The following UNC5D variants were observed in gnomAD, a reference collection of about 807,000 sequenced individuals.
UNC5D encodes the protein unc-5 netrin receptor D.
A neutral mutation model predicts 105.4 loss-of-function variants in UNC5D; 39 were observed. The ratio of observed to expected loss-of-function variants is 0.37; its 90% CI spans 0.29 to 0.48. The LOEUF (loss-of-function observed/expected upper bound fraction) is 0.48, where lower values mean the gene tolerates loss of function less well. Among genes scored for constraint, UNC5D ranks in the 20% least tolerant of loss-of-function variants. The pLI is 0.98. For synonymous variants in UNC5D, 452 were observed against 450.4 expected, an observed-to-expected ratio of 1.00 and a Z score of -0.04; for missense variants, 991 against 1,202.4, an observed-to-expected ratio of 0.82 and a Z score of 2.60.
At chr8:35,527,007 G>A (rs1409751621) in intron 1 of UNC5D, among the ~76,000 whole-genome samples, 3 of 152,106 alleles carry the variant, frequency 2.0e-5, no homozygotes, top group Non-Finnish European at 4.4e-5. Context: ...TTATAAGGGG[G>A]TTCTCTATGT....
chr8:35,683,261 A>C (rs2131337753), intron 4 of UNC5D, among the ~76,000 whole-genome samples: 1 of 152,284 alleles, frequency 6.6e-6, no homozygotes, highest in East Asian at 1.9e-4. Context: ...AATTGCAGTC[A>C]CCTCTTTTCT....
intron 1 of UNC5D, among the ~76,000 whole-genome samples, chr8:35,540,068 A>T (rs1815155948): frequency 6.6e-6 from 1 of 152,134 alleles, no homozygotes; most frequent in South Asian, 2.1e-4. Context: ...ACTCTTGAAA[A>T]CTGTCAGTTA....
intron 4 of UNC5D, among the ~76,000 whole-genome samples, chr8:35,679,107 C>A (rs535153497): frequency 6.6e-6 from 1 of 151,976 alleles, no homozygotes; most frequent in East Asian, 1.9e-4. Context: ...ATAAAAATAA[C>A]CTGGTGTGGT....
At chr8:35,248,046 AT>A (rs1803269162) in intron 1 of UNC5D, among the ~76,000 whole-genome samples, 2 of 55,780 alleles carry the variant, frequency 3.6e-5, no homozygotes, top group Non-Finnish European at 2.9e-5. Context: ...TATATAAAAT[AT>A]ATATAATATA....
At chr8:35,263,494 A>G (rs1288217585) in intron 1 of UNC5D, among the ~76,000 whole-genome samples, 1 of 152,126 alleles carries the variant, frequency 6.6e-6, no homozygotes, top group Non-Finnish European at 1.5e-5. Context: ...TCCTGGGTTC[A>G]TGTGAGCCTC....
Position 35,549,284 on chromosome 8 carries a change from T to C in UNC5D, c.104-8T>C. 6.2e-7 allele frequency: 1 copy of C among 1,612,662 alleles called. No individual in the cohort carries two copies. Among genetic ancestry groups the C allele is most frequent in the Middle Eastern group, 2.0e-4 (1 of 4,914 alleles). On this transcript the variant is annotated splice_polypyrimidine_tract_variant and splice_region_variant and intron_variant, in intron 1 of 16. Coordinates refer to ENST00000404895, the MANE Select transcript of UNC5D (RefSeq NM_080872.4). ...GGCTGTGTTCTGATGTCTTTTTTGA[T>C]TTCACAGGAACTGACAATGGCGAAG...
At chr8:35,595,524 A>C (rs1476328412) in intron 3 of UNC5D, 30 bp from the exon 4 acceptor site, 13 of 1,605,568 alleles carry the variant, frequency 8.1e-6, no homozygotes, top group Non-Finnish European at 1.0e-5. Context: ...ACTTGAAACA[A>C]AGTGTCACCT....
At chr8:35,292,605 A>G (rs990337591) in intron 1 of UNC5D, among the ~76,000 whole-genome samples, 2 of 152,192 alleles carry the variant, frequency 1.3e-5, no homozygotes, top group Non-Finnish European at 2.9e-5. Flanking sequence ...ATCCCGTGAA[A>G]CTTAACTACT....
intron 1 of UNC5D, among the ~76,000 whole-genome samples, chr8:35,237,503 T>C (rs747074121): frequency 1.6e-4 from 25 of 152,046 alleles, no homozygotes; most frequent in Non-Finnish European, 3.4e-4. Context: ...ACCCTTGGAA[T>C]TGGGTTGGTG....
intron 1 of UNC5D, among the ~76,000 whole-genome samples, chr8:35,377,199 A>G (rs1802753040): frequency 6.6e-6 from 1 of 152,086 alleles, no homozygotes; most frequent in East Asian, 1.9e-4. Flanking sequence ...TTACAAAACT[A>G]TTTGGGGACA....
Position 35,767,961 on chromosome 8 carries a change from G to A in UNC5D, c.2478+895G>A, listed in dbSNP as rs1334691152. The stretch of plus-strand genomic sequence containing the variant: ...AGTTTCCAGGTCATTACAGGCTAGT[G>A]TAGGGAAACATACATTTTTTGTTTT... On this transcript the variant is annotated intron_variant, in intron 15 of 16. Transcript: ENST00000404895. 3.3e-5 allele frequency among the ~76,000 whole-genome samples: 5 copies of A among 151,786 alleles called. No homozygotes were observed. In the South Asian group the frequency reaches 8.3e-4, roughly 25 times the overall value.
intron 1 of UNC5D, among the ~76,000 whole-genome samples, chr8:35,327,461 C>G (rs967507096): frequency 6.6e-6 from 1 of 152,144 alleles, no homozygotes; most frequent in Non-Finnish European, 1.5e-5. Context: ...TCTCAACTTA[C>G]GGAAAATATC....
At chr8:35,767,140 GC>G (rs1486090641) in intron 15 of UNC5D, 74 bp downstream of exon 15, 2 of 1,482,788 alleles carry the variant, frequency 1.3e-6, no homozygotes, top group Non-Finnish European at 1.8e-6. Context: ...ATACCTACCA[GC>G]CGTGCTATTC....
At chr8:35,365,951 TAAAC>T (rs1563348237) in intron 1 of UNC5D, among the ~76,000 whole-genome samples, 1 of 152,086 alleles carries the variant, frequency 6.6e-6, no homozygotes, top group Non-Finnish European at 1.5e-5. Context: ...GGGGAGGAAA[TAAAC>T]AGAAGAATAA....
intron 1 of UNC5D, among the ~76,000 whole-genome samples, chr8:35,327,230 G>A (rs937368134): frequency 3.3e-5 from 5 of 152,148 alleles, no homozygotes; most frequent in African/African-American, 1.2e-4. Flanking sequence ...TTTCAGTGAT[G>A]AGCATACAGC....
At chr8:35,319,215 C>A (rs563754271) in intron 1 of UNC5D, among the ~76,000 whole-genome samples, 1 of 152,038 alleles carries the variant, frequency 6.6e-6, no homozygotes, top group Non-Finnish European at 1.5e-5. Flanking sequence ...TAAAATATAC[C>A]CTTCAGGCAA....
At chr8:35,410,900 A>G (rs1805121525) in intron 1 of UNC5D, among the ~76,000 whole-genome samples, 1 of 151,976 alleles carries the variant, frequency 6.6e-6, no homozygotes, top group Non-Finnish European at 1.5e-5. Context: ...TGTGTTTTAT[A>G]TTTCCTTTGC....
At chr8:35,522,515 C>T (rs536562478) in intron 1 of UNC5D, among the ~76,000 whole-genome samples, 1 of 152,182 alleles carries the variant, frequency 6.6e-6, no homozygotes, top group African/African-American at 2.4e-5. Flanking sequence ...ACTGTTTTTG[C>T]AAAGAGAGGA....
chr8:35,596,373 C>T (rs1819493502), intron 4 of UNC5D, among the ~76,000 whole-genome samples: 1 of 152,062 alleles, frequency 6.6e-6, no homozygotes, highest in African/African-American at 2.4e-5. Context: ...CCCTGATAGA[C>T]TAGTAATATA....
Sources: gnomAD v4.1 joint callset for allele counts (sites outside exome capture counted in the v4.1 genomes callset) on GRCh38, gnomAD v4.1.1 for gene constraint, MANE v1.5 for transcripts, NCBI Gene and HGNC (gene_info 2026-07-23, HGNC 2026-07-21) for gene names.